Variants in FOXK1 observed in about 807,000 individuals in gnomAD.
FOXK1 encodes the protein forkhead box K1.
A neutral mutation model predicts 51.9 loss-of-function variants in FOXK1; 19 were observed. The observed-to-expected ratio is 0.37, with a 90% CI of 0.26 to 0.54. The LOEUF is 0.54. Among genes scored for constraint, FOXK1 ranks in the 20% least tolerant of loss-of-function variants. FOXK1 has a pLI of 0.87. For missense variants in FOXK1, 870 were observed against 1,032.7 expected (o/e 0.84, Z 2.16); for synonymous variants, 537 against 482.6 (o/e 1.11, Z -1.48).
In FOXK1 at chr7:4,762,859, A is replaced by AACGCAGCAAGGC; in HGVS notation, c.*398_*409dup. ...GCCTTTGTCCGGGAGGACAGACAGAAACGCAGCAAGGCACACACCAAGGCT... is the reference window on the plus strand; with the variant it reads ...GCCTTTGTCCGGGAGGACAGACAGAAACGCAGCAAGGCACGCAGCAAGGCACACACCAAGGCT... On this transcript the variant is annotated 3_prime_UTR_variant, in exon 9 of 9. Transcript: ENST00000328914. The surrounding 1 kb of genome is among the most constrained non-coding windows in gnomAD (Gnocchi z 5.7). 1 of 198,110 alleles carries AACGCAGCAAGGC rather than the reference A, an allele frequency of 5.0e-6. No homozygotes were observed. The highest frequency in any genetic ancestry group is 1.1e-4 in the South Asian group (1 of 9,500). 12.3% of individuals were successfully genotyped at this position (198,110 alleles called of 1,614,324 possible).
At chr7:4,742,228 G>A (rs1780643342) in intron 2 of FOXK1, among the ~76,000 whole-genome samples, 1 of 152,186 alleles carries the variant, frequency 6.6e-6, no homozygotes, top group Admixed American at 6.5e-5. Context: ...CCCTGAAAGG[G>A]GCTCAGGGCC....
Position 4,755,901 on chromosome 7 carries a change from C to G in FOXK1, c.1050+518C>G, listed in dbSNP as rs1780845167. Among the ~76,000 whole-genome samples the G allele has an allele frequency of 6.6e-6, 1 of 152,198 alleles. No homozygotes were observed. Among genetic ancestry groups the G allele is most frequent in the African/African-American group, 2.4e-5 (1 of 41,440 alleles). On this transcript the variant is annotated intron_variant, in intron 4 of 8. Coordinates refer to ENST00000328914, the MANE Select transcript of FOXK1 (RefSeq NM_001037165.2). This position sits in a 1 kb window ranked among gnomAD's most constrained non-coding sequence, Gnocchi z 6.6. ...GAGCCCCAGAACTGAGAAGATGGATCTACACCTTGTTAGATTTTTGTGCTT... is the reference window on the plus strand; with the variant it reads ...GAGCCCCAGAACTGAGAAGATGGATGTACACCTTGTTAGATTTTTGTGCTT...
intron 1 of FOXK1, among the ~76,000 whole-genome samples, chr7:4,705,880 C>T (rs972726761): frequency 6.7e-6 from 1 of 149,294 alleles, no homozygotes; most frequent in Non-Finnish European, 1.5e-5. Context: ...AAAAGAAAGC[C>T]GATTTTAAGA....
Position 4,761,184 on chromosome 7 carries a change from C to G in FOXK1, c.1817C>G (p.Pro606Arg). The G allele has an allele frequency of 6.2e-7, 1 of 1,612,970 alleles. No homozygotes were observed. Among genetic ancestry groups the G allele is most frequent in the Non-Finnish European group, 8.5e-7 (1 of 1,180,020 alleles). The change falls in exon 8 of 9, where the codon CCC (proline) becomes CGC (arginine). Residue 606 changes from proline (P) to arginine (R), a missense_variant. By Grantham distance (103) the Pro-to-Arg change is moderately radical (BLOSUM62 -2). This residue lies in a region of FOXK1 where 457 missense variants were observed against 510.8 expected (regional missense o/e 0.89). Coordinates refer to ENST00000328914, the MANE Select transcript of FOXK1 (RefSeq NM_001037165.2). The surrounding 1 kb of genome is among the most constrained non-coding windows in gnomAD (Gnocchi z 6.2). ...GGACACACGGTCACCATCCTGCAGC[C>G]CGCCACACCCGTGACCCTCGGGCAG... Reference protein sequence around the residue: ...VPGHTVTILQPATPVTLGQHH... With the variant: ...VPGHTVTILQRATPVTLGQHH...
chr7:4,692,723 CT>C (rs1254529186), intron 1 of FOXK1, among the ~76,000 whole-genome samples: 3 of 151,030 alleles, frequency 2.0e-5, no homozygotes, highest in African/African-American at 4.9e-5. Context: ...TGGGTAGTTT[CT>C]TTTTTTTTAT....
rs1779765112 is a variant in FOXK1 at position 4,682,547 on chromosome 7, A to T, written c.239A>T (p.Asp80Val). Reference sequence around the variant, plus strand: ...GGGGGCTCCTCCGGGGTATCCGGGGACTCCGCGGTCGCGGGCGCGGCGCCG... The same window carrying T: ...GGGGGCTCCTCCGGGGTATCCGGGGTCTCCGCGGTCGCGGGCGCGGCGCCG... ...SSGGSSGVSGDSAVAGAAPAL... is the reference protein window; with the variant it reads ...SSGGSSGVSGVSAVAGAAPAL... Residue 80 changes from aspartate (D) to valine (V), a missense_variant, in exon 1 of 9, where the codon GAC becomes GTC. Asp to Val is a radical substitution (Grantham distance 152, BLOSUM62 -3). Coordinates refer to ENST00000328914, the MANE Select transcript of FOXK1 (RefSeq NM_001037165.2). This position sits in a 1 kb window ranked among gnomAD's most constrained non-coding sequence, Gnocchi z 7.6. The T allele has an allele frequency of 3.5e-6, 4 of 1,150,324 alleles. No homozygotes were observed. The highest frequency in any genetic ancestry group is 4.3e-6 in the Non-Finnish European group (4 of 939,388). 71.3% of individuals were successfully genotyped at this position (1,150,324 alleles called of 1,614,324 possible).
Position 4,762,579 on chromosome 7 carries a change from G to A in FOXK1, c.*115G>A. On this transcript the variant is annotated 3_prime_UTR_variant, in exon 9 of 9. Coordinates refer to ENST00000328914, the MANE Select transcript of FOXK1 (RefSeq NM_001037165.2). This position sits in a 1 kb window ranked among gnomAD's most constrained non-coding sequence, Gnocchi z 5.7. ...GGAGAACAGCCCGCGGCGGCCTGTG[G>A]GCATCGGCGGCACCTGGACACACCC... 9.8e-7 allele frequency: 1 copy of A among 1,021,374 alleles called. No individual in the cohort carries two copies. The highest frequency in any genetic ancestry group is 1.4e-6 in the Non-Finnish European group (1 of 718,164). 63.3% of individuals were successfully genotyped at this position (1,021,374 alleles called of 1,614,324 possible).
chr7:4,696,293 G>A (rs1376724873), intron 1 of FOXK1, among the ~76,000 whole-genome samples: 2 of 152,120 alleles, frequency 1.3e-5, no homozygotes, highest in East Asian at 3.9e-4. Flanking sequence ...TGATGTAGGG[G>A]AAATAAATCG....
rs2115066898 is a variant in FOXK1 at position 4,749,580 on chromosome 7, T to C, written c.747-4879T>C. On this transcript the variant is annotated intron_variant, in intron 2 of 8. Coordinates refer to ENST00000328914, the MANE Select transcript of FOXK1 (RefSeq NM_001037165.2). This position sits in a 1 kb window ranked among gnomAD's most constrained non-coding sequence, Gnocchi z 6.0. ...CGTCGCAGCTCCTTCCTCCAGCCCC[T>C]CCAGGCGGGTCCCTCTGTGTCTCTA... 6.6e-6 allele frequency among the ~76,000 whole-genome samples: 1 copy of C among 152,216 alleles called. No individual in the cohort carries two copies. Among genetic ancestry groups the C allele is most frequent in the Admixed American group, 6.5e-5 (1 of 15,288 alleles).
At chr7:4,702,284 G>GC (rs1436317136) in intron 1 of FOXK1, among the ~76,000 whole-genome samples, 2 of 152,044 alleles carry the variant, frequency 1.3e-5, no homozygotes, top group Non-Finnish European at 2.9e-5. Flanking sequence ...TAGACCTCCC[G>GC]CGTATGTCAC....
chr7:4,754,663 GC>G, intron 3 of FOXK1, 48 bp downstream of exon 3: 1 of 1,577,204 alleles, frequency 6.3e-7, no homozygotes, highest in Non-Finnish European at 8.6e-7. Context: ...CCAGGATCGG[GC>G]CATAGTGACC....
intron 1 of FOXK1, among the ~76,000 whole-genome samples, chr7:4,728,580 T>C (rs535606351): frequency 1.3e-5 from 2 of 152,166 alleles, no homozygotes; most frequent in Admixed American, 1.3e-4. Context: ...CAGCAGCAGA[T>C]GGGACTCCTC....
intron 1 of FOXK1, among the ~76,000 whole-genome samples, chr7:4,704,069 G>A (rs966875042): frequency 6.6e-6 from 1 of 152,208 alleles, no homozygotes; most frequent in Non-Finnish European, 1.5e-5. Context: ...GGTAGCGTCT[G>A]CCAGTAGCCA....
intron 1 of FOXK1, among the ~76,000 whole-genome samples, chr7:4,728,226 C>A (rs1780405568): frequency 6.6e-6 from 1 of 152,174 alleles, no homozygotes; most frequent in African/African-American, 2.4e-5. Context: ...TTTGGATCAT[C>A]GATCCTAACA....
chr7:4,759,737 T>C, intron 7 of FOXK1, 142 bp downstream of exon 7: 1 of 1,048,314 alleles, frequency 9.5e-7, no homozygotes, highest in Non-Finnish European at 1.3e-6. Flanking sequence ...CCTTGTCCCT[T>C]TAAATCAGCA....
chr7:4,757,793 G>A lies in FOXK1; in HGVS notation c.1244+606G>A, dbSNP rs950262144. The stretch of plus-strand genomic sequence containing the variant: ...ATGTGCACAGGTTGTATGCAAATGC[G>A]ACACCATTTCTATGAGGAACTTGGG... On this transcript the variant is annotated intron_variant, in intron 5 of 8. Coordinates refer to ENST00000328914, the MANE Select transcript of FOXK1 (RefSeq NM_001037165.2). Among the ~76,000 whole-genome samples, 18 of 152,100 alleles carry A rather than the reference G, an allele frequency of 1.2e-4. No homozygotes were observed. In the Middle Eastern group the frequency reaches 0.017, roughly 144 times the overall value.
At chr7:4,695,094 G>A (rs1779935934) in intron 1 of FOXK1, among the ~76,000 whole-genome samples, 2 of 152,250 alleles carry the variant, frequency 1.3e-5, no homozygotes, top group African/African-American at 4.8e-5. Flanking sequence ...TCCAGAAGAA[G>A]GAGAACTGCA....
rs542811456 is a variant in FOXK1, at chr7:4,757,128, G to A, written c.1185G>A (p.Arg395=). 13 of 1,613,338 alleles carry A rather than the reference G, an allele frequency of 8.1e-6. No individual in the cohort carries two copies. The Admixed American group carries it at 1.0e-4, about 12-fold the overall frequency. ...SEAKLVEQAF[R]KRRQRGVSCF... is the part of the protein sequence containing the mutation. Reference sequence around the variant, plus strand: ...CCAAGCTCGTGGAACAGGCATTCCGGAAACGGAGGCAGAGGGGTGTCTCCT... The same window carrying A: ...CCAAGCTCGTGGAACAGGCATTCCGAAAACGGAGGCAGAGGGGTGTCTCCT... The change falls in exon 5 of 9, where the codon CGG becomes CGA. Residue 395 remains arginine (R), a synonymous_variant. Transcript: ENST00000328914.
chr7:4,711,103 A>G lies in FOXK1; in HGVS notation c.560+28235A>G, dbSNP rs540714956. ...GCTGTCCATCAGCTGTGCAGGGCCA[A>G]GCTGGGCCTGGATCCTACTTAGTCT... On this transcript the variant is annotated intron_variant, in intron 1 of 8. Coordinates refer to ENST00000328914, the MANE Select transcript of FOXK1 (RefSeq NM_001037165.2). The surrounding 1 kb of genome is among the most constrained non-coding windows in gnomAD (Gnocchi z 6.3). 6.6e-6 allele frequency among the ~76,000 whole-genome samples: 1 copy of G among 152,138 alleles called. No homozygotes were observed. Among genetic ancestry groups the G allele is most frequent in the Non-Finnish European group, 1.5e-5 (1 of 68,034 alleles).
Sources: allele counts gnomAD v4.1 joint callset (sites outside exome capture counted in the v4.1 genomes callset), GRCh38; gene constraint gnomAD v4.1.1; regional missense constraint gnomAD v4.1.1; non-coding constraint Gnocchi (gnomAD v3.1); transcripts MANE v1.5; gene names NCBI Gene and HGNC (gene_info 2026-07-23, HGNC 2026-07-21).